The following ANXA4 variants were observed in gnomAD, a reference collection of about 807,000 sequenced individuals.
The protein encoded by ANXA4 is annexin A4.
Under a neutral mutation model 49.8 loss-of-function variants are expected in ANXA4, and 39 were observed. That is an observed-to-expected ratio of 0.78 (90% CI 0.61 to 1.02). The LOEUF is 1.02. ANXA4 is among the 50% of genes least tolerant of loss of function. The pLI is 0.00. For synonymous variants in ANXA4, 134 were observed against 152.5 expected (o/e 0.88, Z 0.89); for missense variants, 360 against 410.1 (o/e 0.88, Z 1.05).
At chr2:69,825,132 G>C (rs1019179974) in intron 12 of ANXA4, among the ~76,000 whole-genome samples, 1 of 148,582 alleles carries the variant, frequency 6.7e-6, no homozygotes, top group Non-Finnish European at 1.5e-5. Context: ...AGGCTATATT[G>C]TTAAGTGAAA....
intron 6 of ANXA4, chr2:69,809,325 C>G (rs1056346751): frequency 3.3e-5 from 5 of 152,160 alleles, no homozygotes; most frequent in African/African-American, 1.2e-4. Context: ...GATTCTAAAC[C>G]TTAGGAGTCT....
chr2:69,818,850 T>A (rs112292997), intron 10 of ANXA4, among the ~76,000 whole-genome samples, 156 bp downstream of exon 10: 28 of 152,364 alleles, frequency 1.8e-4, no homozygotes, highest in African/African-American at 6.3e-4. Context: ...AGAAATATTA[T>A]ATACAACCTG....
rs1214253723 is a variant in ANXA4, at chr2:69,705,307, GA to G, written n.767-15458del. On this transcript the variant is annotated intron_variant and non_coding_transcript_variant, in intron 2 of 3. Coordinates refer to the ANXA4 transcript ENST00000418066. The stretch of plus-strand genomic sequence containing the variant: ...TGAGATGCTGTCTCAAAAAAAGAAA[GA>G]AAAAAAAAGTTACTAATGGTTATCT... Among the ~76,000 whole-genome samples the G allele has an allele frequency of 4.6e-5, 7 of 151,162 alleles. No individual in the cohort carries two copies. The East Asian group carries it at 5.8e-4, about 13-fold the overall frequency.
chr2:69,657,286 GC>G (rs1414243430), intron 2 of ANXA4, among the ~76,000 whole-genome samples: 4 of 151,934 alleles, frequency 2.6e-5, no homozygotes, highest in African/African-American at 9.7e-5. Context: ...GAGCCACCGT[GC>G]CCAGCACACT....
chr2:69,746,254 C>T (rs1330310177), intron 1 of ANXA4, among the ~76,000 whole-genome samples: 3 of 152,156 alleles, frequency 2.0e-5, no homozygotes, highest in Non-Finnish European at 2.9e-5. Flanking sequence ...TCATGATCCA[C>T]CCGCCTCGGC....
At chr2:69,746,331 C>G (rs556362582) in intron 1 of ANXA4, among the ~76,000 whole-genome samples, 1 of 152,290 alleles carries the variant, frequency 6.6e-6, no homozygotes, top group African/African-American at 2.4e-5. Context: ...TTTATTATAC[C>G]AATCACATCT....
At chr2:69,698,863 A>G (rs1389845941) in intron 2 of ANXA4, among the ~76,000 whole-genome samples, 1 of 152,154 alleles carries the variant, frequency 6.6e-6, no homozygotes, top group Non-Finnish European at 1.5e-5. Context: ...TTGTAATTTC[A>G]ATGAAGAGGG....
intron 2 of ANXA4, among the ~76,000 whole-genome samples, chr2:69,672,927 A>C (rs192397319): frequency 6.6e-6 from 1 of 152,238 alleles, no homozygotes; most frequent in East Asian, 1.9e-4. Context: ...GCTCATCGTC[A>C]CTGGTATTAG....
intron 2 of ANXA4, among the ~76,000 whole-genome samples, chr2:69,678,763 A>G (rs975474283): frequency 6.6e-6 from 1 of 152,124 alleles, no homozygotes; most frequent in Non-Finnish European, 1.5e-5. Context: ...ATAAGACCTA[A>G]TATTCACGAG....
intron 2 of ANXA4, among the ~76,000 whole-genome samples, chr2:69,687,698 A>G (rs1217159185): frequency 1.3e-5 from 2 of 152,130 alleles, no homozygotes; most frequent in Non-Finnish European, 2.9e-5. Context: ...ACGTCCCCCA[A>G]GTCTCTGACT....
In ANXA4 at chr2:69,823,280, A is replaced by G. The variant is rs553910378; in HGVS notation, c.907-2176A>G. On this transcript the variant is annotated intron_variant, in intron 12 of 12. Coordinates refer to ENST00000394295, the MANE Select transcript of ANXA4 (RefSeq NM_001153.5). ...ATATGTGTGTATACACACACACACCACTAGAAAAGATTAAAAATAAAGAAT... is the reference window on the plus strand; with the variant it reads ...ATATGTGTGTATACACACACACACCGCTAGAAAAGATTAAAAATAAAGAAT... 7.3e-5 allele frequency among the ~76,000 whole-genome samples: 11 copies of G among 151,466 alleles called. No homozygotes were observed. In the South Asian group the frequency reaches 2.1e-3, roughly 29 times the overall value.
chr2:69,782,918 A>G (rs1324958626), intron 2 of ANXA4, among the ~76,000 whole-genome samples: 1 of 152,252 alleles, frequency 6.6e-6, no homozygotes, highest in Non-Finnish European at 1.5e-5. Flanking sequence ...TTAAAAAGAA[A>G]ATCACACTAT....
intron 2 of ANXA4, among the ~76,000 whole-genome samples, chr2:69,682,549 CT>C (rs910330096): frequency 6.6e-6 from 1 of 152,036 alleles, no homozygotes; most frequent in African/African-American, 2.4e-5. Flanking sequence ...AAATGAGTTT[CT>C]TTATATAACT....
At chr2:69,656,191 A>ATATATATATATACACACACATATATATG (rs1676434276) in intron 2 of ANXA4, among the ~76,000 whole-genome samples, 1 of 66,772 alleles carries the variant, frequency 1.5e-5, no homozygotes, top group Admixed American at 1.4e-4. Flanking sequence ...ATATATACGT[A>ATATATATATATACACACACATATATATG]TATATATATA....
At chr2:69,736,680 G>A (rs1670254403) in intron 3 of ANXA4, among the ~76,000 whole-genome samples, 1 of 152,128 alleles carries the variant, frequency 6.6e-6, no homozygotes, top group Admixed American at 6.5e-5. Context: ...AAGGTACATG[G>A]GAGATAAACA....
Position 69,703,217 on chromosome 2 carries a change from T to TTCGCCTC in ANXA4, n.767-17555_767-17549dup, listed in dbSNP as rs539970700. ...TGGGTCAGAACCCCCTATGGACTCT[T>TTCGCCTC]TCGCCTCTGGCTTCCTTTTTTTTTT... On this transcript the variant is annotated intron_variant and non_coding_transcript_variant, in intron 2 of 3. Coordinates refer to the ANXA4 transcript ENST00000418066. 1.9e-4 allele frequency among the ~76,000 whole-genome samples: 28 copies of TTCGCCTC among 151,050 alleles called. No individual in the cohort carries two copies. The South Asian group carries it at 5.9e-3, about 32-fold the overall frequency.
chr2:69,723,366 G>C (rs1669871302), intron 3 of ANXA4, among the ~76,000 whole-genome samples: 1 of 152,078 alleles, frequency 6.6e-6, no homozygotes, highest in South Asian at 2.1e-4. Context: ...AGAAACTCCT[G>C]AACTCCAGAA....
chr2:69,807,933 A>G lies in ANXA4; in HGVS notation c.334A>G (p.Ile112Val). The G allele has an allele frequency of 6.2e-7, 1 of 1,614,142 alleles. No homozygotes were observed. The highest frequency in any genetic ancestry group is 8.5e-7 in the Non-Finnish European group (1 of 1,180,014). ...AGCCGGCACTGATGAGGGCTGCCTAATTGAGATCCTGGCCTCCCGGACCCC... is the reference window on the plus strand; with the variant it reads ...AGCCGGCACTGATGAGGGCTGCCTAGTTGAGATCCTGGCCTCCCGGACCCC... ...KGAGTDEGCL[I>V]EILASRTPEE... Residue 112 changes from isoleucine to valine, a missense_variant, in exon 6 of 13, where the codon ATT becomes GTT. Transcript: ENST00000394295.
At chr2:69,671,025 C>CAAAAAAAAA (rs762968256) in intron 2 of ANXA4, among the ~76,000 whole-genome samples, 1 of 32,546 alleles carries the variant, frequency 3.1e-5, no homozygotes, top group Non-Finnish European at 6.3e-5. Flanking sequence ...GACTCCATCT[C>CAAAAAAAAA]AAAAAAAAAA....
Sources: allele counts gnomAD v4.1 joint callset (sites outside exome capture counted in the v4.1 genomes callset), GRCh38; gene constraint gnomAD v4.1.1; transcripts MANE v1.5; gene names NCBI Gene and HGNC (gene_info 2026-07-23, HGNC 2026-07-21).